HPSE2: variants seen among roughly 807,000 people sequenced by gnomAD.
HPSE2 encodes the protein inactive heparanase-2.
HPSE2 carries 38 observed loss-of-function variants against 60.5 expected under a neutral mutation model. That is an observed-to-expected ratio of 0.63 (90% CI 0.48 to 0.82). HPSE2 has a LOEUF of 0.82. HPSE2 is among the 40% of genes least tolerant of loss of function. The pLI, the probability that HPSE2 is intolerant of heterozygous loss-of-function variation, is 0.00. For synonymous variants in HPSE2, 295 were observed against 293.2 expected, an observed-to-expected ratio of 1.01 and a Z score of -0.06; for missense variants, 713 against 740.4, an observed-to-expected ratio of 0.96 and a Z score of 0.43.
chr10:98,778,172 G>A (rs887137457), intron 3 of HPSE2, among the ~76,000 whole-genome samples: 3 of 151,180 alleles, frequency 2.0e-5, no homozygotes. Flanking sequence ...TGAAATAACA[G>A]AATAATTTTA....
chr10:98,951,211 G>T (rs574717132), intron 3 of HPSE2, among the ~76,000 whole-genome samples: 52 of 152,272 alleles, frequency 3.4e-4, no homozygotes, highest in African/African-American at 1.2e-3. Context: ...GATGACAACA[G>T]TAAGACTAAA....
At chr10:98,585,767 CGTG>C (rs948308595) in intron 9 of HPSE2, among the ~76,000 whole-genome samples, 12 of 151,366 alleles carry the variant, frequency 7.9e-5, no homozygotes, top group Non-Finnish European at 1.6e-4. Context: ...GCCTGGCCAA[CGTG>C]GTGAAACCCT....
rs77269698 is a variant in HPSE2 at position 99,229,082 on chromosome 10, C to T, written c.448+3266G>A. On this transcript the variant is annotated intron_variant, in intron 2 of 11. Transcript: ENST00000370552. Reference sequence around the variant, plus strand: ...CCCAGCTACTGAAGAGGCTGAGGCACGAAAATCACTCTACCTGGGAGGTAG... The same window carrying T: ...CCCAGCTACTGAAGAGGCTGAGGCATGAAAATCACTCTACCTGGGAGGTAG... Among the ~76,000 whole-genome samples, 545 of 151,096 alleles carry T rather than the reference C, an allele frequency of 3.6e-3. 16 individuals carry two copies. In the East Asian group the frequency reaches 0.064, roughly 18 times the overall value.
chr10:98,717,919 A>G (rs1948831655), intron 5 of HPSE2, among the ~76,000 whole-genome samples: 1 of 145,624 alleles, frequency 6.9e-6, no homozygotes, highest in South Asian at 2.2e-4. Flanking sequence ...TTGTCAAGGT[A>G]GAGGTATAGG....
At chr10:98,515,120 G>A (rs955129263) in intron 9 of HPSE2, among the ~76,000 whole-genome samples, 1 of 152,118 alleles carries the variant, frequency 6.6e-6, no homozygotes, top group Admixed American at 6.5e-5. Context: ...TGAAAGCTGG[G>A]TGGTGTGGTC....
chr10:98,822,271 T>C (rs1426503242), intron 3 of HPSE2, among the ~76,000 whole-genome samples: 1 of 152,148 alleles, frequency 6.6e-6, no homozygotes, highest in Non-Finnish European at 1.5e-5. Context: ...CACTCTGAGG[T>C]TTGGCAAATG....
At chr10:98,890,935 T>C (rs555825900) in intron 3 of HPSE2, among the ~76,000 whole-genome samples, 18 of 152,344 alleles carry the variant, frequency 1.2e-4, no homozygotes, top group African/African-American at 4.3e-4. Context: ...ATAGTAACTT[T>C]CTTATTGCAA....
At chr10:98,650,741 C>T (rs1946893326) in intron 6 of HPSE2, among the ~76,000 whole-genome samples, 1 of 152,066 alleles carries the variant, frequency 6.6e-6, no homozygotes, top group African/African-American at 2.4e-5. Context: ...GAAGGGAGGC[C>T]AGTTAATAAA....
intron 5 of HPSE2, among the ~76,000 whole-genome samples, chr10:98,701,921 T>A (rs1363948214): frequency 6.6e-6 from 1 of 152,158 alleles, no homozygotes; most frequent in African/African-American, 2.4e-5. Context: ...AATAACCAGA[T>A]AGCATCATGA....
chr10:98,880,828 G>T (rs1953002841), intron 3 of HPSE2, among the ~76,000 whole-genome samples: 1 of 151,992 alleles, frequency 6.6e-6, no homozygotes, highest in African/African-American at 2.4e-5. Flanking sequence ...AAACAAAGAA[G>T]CAAAATCAAT....
intron 7 of HPSE2, among the ~76,000 whole-genome samples, chr10:98,629,497 CCTT>C (rs927268013): frequency 1.3e-5 from 2 of 152,150 alleles, no homozygotes; most frequent in Non-Finnish European, 2.9e-5. Flanking sequence ...TTCTTTCCAT[CCTT>C]CTTTTGTGTT....
At chr10:98,979,738 A>C (rs1446208527) in intron 3 of HPSE2, among the ~76,000 whole-genome samples, 1 of 152,206 alleles carries the variant, frequency 6.6e-6, no homozygotes, top group East Asian at 1.9e-4. Flanking sequence ...ACTACAGAAC[A>C]ACAAATAGAA....
At chr10:99,287,316 A>T in the HPSE2 span, among the ~76,000 whole-genome samples, 1 of 152,118 alleles carries the variant, frequency 6.6e-6, no homozygotes, top group Non-Finnish European at 1.5e-5. Flanking sequence ...TTGTGAAAGA[A>T]GAGAAGGAAT....
chr10:98,776,714 G>A (rs1374635957), intron 3 of HPSE2, among the ~76,000 whole-genome samples: 2 of 151,856 alleles, frequency 1.3e-5, no homozygotes, highest in African/African-American at 2.4e-5. Context: ...ATTCTTGCTT[G>A]GATCCGAGAT....
intron 2 of HPSE2, among the ~76,000 whole-genome samples, chr10:99,179,462 C>A (rs183034833): frequency 1.9e-3 from 283 of 152,196 alleles, no homozygotes; most frequent in African/African-American, 6.2e-3. Context: ...TCCTATACAC[C>A]AATAACAGAC....
intron 3 of HPSE2, among the ~76,000 whole-genome samples, chr10:98,793,966 T>C (rs943905101): frequency 2.6e-5 from 4 of 152,192 alleles, no homozygotes; most frequent in Admixed American, 6.5e-5. Flanking sequence ...TGCTAGATCA[T>C]GAAGGAGTTA....
At position 98,725,916 on chromosome 10, in the gene HPSE2, CA is replaced by C. The variant is rs545154658; in HGVS notation, c.785-4089del. ...ACCATCACTGGCCATCAGAGAAATGCAAATCAAAATCACAATGAGATACCAT... is the reference window on the plus strand; with the variant it reads ...ACCATCACTGGCCATCAGAGAAATGCAATCAAAATCACAATGAGATACCAT... On this transcript the variant is annotated intron_variant, in intron 4 of 11. Transcript: ENST00000370552. Among the ~76,000 whole-genome samples, 258 of 152,248 alleles carry C rather than the reference CA, an allele frequency of 1.7e-3. 4 individuals are homozygous for C. Among genetic ancestry groups the C allele is most frequent in the African/African-American group, 5.9e-3 (245 of 41,548 alleles).
At chr10:98,657,224 G>A (rs200970599) in intron 6 of HPSE2, among the ~76,000 whole-genome samples, 8 of 89,168 alleles carry the variant, frequency 9.0e-5, no homozygotes, top group Non-Finnish European at 1.7e-4. Context: ...AAAAAAAAAA[G>A]CATTCAATAA....
chr10:98,461,674 G>A, intron 11 of HPSE2: 2 of 902,000 alleles, frequency 2.2e-6, no homozygotes, highest in Non-Finnish European at 3.5e-6. Flanking sequence ...TCTTTCTAAG[G>A]CATACTCAAA....
Sources: allele counts gnomAD v4.1 joint callset (sites outside exome capture counted in the v4.1 genomes callset), GRCh38; gene constraint gnomAD v4.1.1; transcripts MANE v1.5; gene names NCBI Gene and HGNC (gene_info 2026-07-23, HGNC 2026-07-21).